The following ITCH variants were observed in gnomAD, a reference collection of about 807,000 sequenced individuals.
The protein encoded by ITCH is E3 ubiquitin-protein ligase Itchy homolog.
Under a neutral mutation model 126.8 loss-of-function variants are expected in ITCH, and 28 were observed. The observed-to-expected ratio is 0.22, with a 90% CI of 0.16 to 0.30. ITCH has a LOEUF of 0.30. ITCH is among the 10% of genes least tolerant of loss of function. The pLI is 1.00. For synonymous variants in ITCH, 342 were observed against 340.0 expected, an observed-to-expected ratio of 1.01 and a Z score of -0.06; for missense variants, 631 against 1,032.4, an observed-to-expected ratio of 0.61 and a Z score of 5.33.
intron 16 of ITCH, among the ~76,000 whole-genome samples, chr20:34,474,545 A>C (rs1987952123): frequency 6.6e-6 from 1 of 152,218 alleles, no homozygotes; most frequent in Non-Finnish European, 1.5e-5. Context: ...CAAAATGAAA[A>C]GTCTCCCATG....
At position 34,507,724 on chromosome 20, in the gene ITCH, A is replaced by G; in HGVS notation, c.2519A>G (p.Lys840Arg). ...CFNRLDLPPY[K>R]SYEQLKEKLL... is the part of the protein sequence containing the mutation. Reference sequence around the variant, plus strand: ...AATCGCCTGGACCTGCCACCATACAAGAGCTATGAGCAACTGAAGGAAAAG... The same window carrying G: ...AATCGCCTGGACCTGCCACCATACAGGAGCTATGAGCAACTGAAGGAAAAG... The change falls in exon 25 of 25, where the codon AAG (lysine) becomes AGG (arginine). Residue 840 changes from lysine (K) to arginine (R), a missense_variant. Around this residue, in one of 4 missense-constraint regions of ITCH, gnomAD observed 390 missense variants for 731.6 expected, o/e 0.53. Coordinates refer to ENST00000374864, the MANE Select transcript of ITCH (RefSeq NM_031483.7). The G allele has an allele frequency of 3.7e-6, 6 of 1,613,930 alleles. No individual in the cohort carries two copies. Among genetic ancestry groups the G allele is most frequent in the Non-Finnish European group, 5.1e-6 (6 of 1,179,874 alleles).
At chr20:34,428,677 C>T (rs927501895) in intron 7 of ITCH, among the ~76,000 whole-genome samples, 3 of 152,006 alleles carry the variant, frequency 2.0e-5, no homozygotes, top group Non-Finnish European at 4.4e-5. Flanking sequence ...CTCGGCCTCC[C>T]GAAGTGTTGG....
chr20:34,419,216 T>C (rs1980403745), intron 6 of ITCH, among the ~76,000 whole-genome samples: 1 of 152,224 alleles, frequency 6.6e-6, no homozygotes, highest in African/African-American at 2.4e-5. Context: ...CCCGTTGTTA[T>C]ATATTCTCAT....
At chr20:34,470,009 G>A in intron 14 of ITCH, 39 bp from the exon 15 acceptor site, 2 of 1,507,740 alleles carry the variant, frequency 1.3e-6, no homozygotes, top group Non-Finnish European at 1.8e-6. Context: ...TCTTTTACAA[G>A]CAGCTATATA....
At chr20:34,431,945 G>C (rs1050322049) in intron 7 of ITCH, among the ~76,000 whole-genome samples, 5 of 151,732 alleles carry the variant, frequency 3.3e-5, no homozygotes, top group Admixed American at 3.3e-4. Context: ...TCAGGAGGCT[G>C]AGGCAGGAGA....
rs1989389593 is a variant in ITCH, at chr20:34,489,854, G to A, written c.2247G>A (p.Leu749=). ...TATGTGGAATGCAAGAGATTGATTT[G>A]AATGACTGGCAAAGACATGCCATCT... ...VLLCGMQEID[L]NDWQRHAIYR... The change falls in exon 22 of 25, where the codon TTG becomes TTA. Residue 749 remains leucine, a synonymous_variant. Coordinates refer to ENST00000374864, the MANE Select transcript of ITCH (RefSeq NM_031483.7). 1 of 1,613,814 alleles carries A rather than the reference G, an allele frequency of 6.2e-7. No individual in the cohort carries two copies. Among genetic ancestry groups the A allele is most frequent in the Non-Finnish European group, 8.5e-7 (1 of 1,179,804 alleles).
At position 34,492,515 on chromosome 20, in the gene ITCH, T is replaced by A; in HGVS notation, c.2334T>A (p.Ile778=). The change falls in exon 23 of 25, where the codon ATT becomes ATA. Residue 778 remains isoleucine, a synonymous_variant. Coordinates refer to ENST00000374864, the MANE Select transcript of ITCH (RefSeq NM_031483.7). Reference sequence around the variant, plus strand: ...ACTTTTAACAGTTTGTTAAAGAAATTGATAATGAGAAGAGAATGAGACTTC... The same window carrying A: ...ACTTTTAACAGTTTGTTAAAGAAATAGATAATGAGAAGAGAATGAGACTTC... ...IMWFWQFVKE[I]DNEKRMRLLQ... is the part of the protein sequence containing the mutation. 1 of 1,603,970 alleles carries A rather than the reference T, an allele frequency of 6.2e-7. No individual in the cohort carries two copies. Among genetic ancestry groups the A allele is most frequent in the Non-Finnish European group, 8.5e-7 (1 of 1,170,726 alleles).
chr20:34,490,473 G>A (rs1989431903), intron 22 of ITCH, among the ~76,000 whole-genome samples: 2 of 151,974 alleles, frequency 1.3e-5, no homozygotes, highest in African/African-American at 4.8e-5. Flanking sequence ...GATCAAGACC[G>A]TCCTGGCTAA....
intron 23 of ITCH, among the ~76,000 whole-genome samples, chr20:34,494,559 TATACAATATATAA>T (rs1262556970): frequency 1.8e-4 from 28 of 152,348 alleles, no homozygotes; most frequent in African/African-American, 6.5e-4. Context: ...TTGATACATG[TATACAATATATAA>T]TGATCAAATT....
chr20:34,367,531 C>T (rs1231872775), intron 1 of ITCH, among the ~76,000 whole-genome samples: 1 of 152,114 alleles, frequency 6.6e-6, no homozygotes, highest in Non-Finnish European at 1.5e-5. Flanking sequence ...GTTTATTGGC[C>T]AGCTCTAATT....
chr20:34,458,337 A>G (rs1423366310), intron 13 of ITCH, among the ~76,000 whole-genome samples: 1 of 152,182 alleles, frequency 6.6e-6, no homozygotes, highest in African/African-American at 2.4e-5. Context: ...TAATAAAGAG[A>G]TATATGTACA....
intron 3 of ITCH, among the ~76,000 whole-genome samples, chr20:34,406,900 A>G (rs1189473664): frequency 6.6e-6 from 1 of 152,158 alleles, no homozygotes; most frequent in Non-Finnish European, 1.5e-5. Context: ...CTTAACTTTG[A>G]TGAGCATTAG....
chr20:34,489,751 T>TA, intron 21 of ITCH, 71 bp from the exon 22 acceptor site: 2 of 981,612 alleles, frequency 2.0e-6, no homozygotes, highest in South Asian at 2.6e-5. Flanking sequence ...TGCTTAATCT[T>TA]AGTCTTTCCT....
At chr20:34,467,662 A>G (rs991340053) in intron 14 of ITCH, among the ~76,000 whole-genome samples, 7 of 151,122 alleles carry the variant, frequency 4.6e-5, no homozygotes, top group African/African-American at 1.7e-4. Context: ...CAAGTGATGG[A>G]AATGTTTTCT....
chr20:34,430,658 G>A (rs765722189), intron 7 of ITCH, among the ~76,000 whole-genome samples: 8 of 152,234 alleles, frequency 5.3e-5, no homozygotes, highest in Middle Eastern at 3.4e-3. Flanking sequence ...ATTTTTAGTA[G>A]AGATGGGGTT....
chr20:34,422,462 GATTTC>G (rs1319253164), intron 6 of ITCH, among the ~76,000 whole-genome samples: 1 of 152,072 alleles, frequency 6.6e-6, no homozygotes, highest in Non-Finnish European at 1.5e-5. Context: ...GTGGTTTTCT[GATTTC>G]ATTTATGTCC....
At chr20:34,471,305 A>G in intron 15 of ITCH, 139 bp from the exon 16 acceptor site, 2 of 671,112 alleles carry the variant, frequency 3.0e-6, no homozygotes, top group South Asian at 3.3e-5. Context: ...ATTGGTAAAC[A>G]TTATTGAATA....
At chr20:34,400,834 T>C (rs1042865549) in intron 3 of ITCH, among the ~76,000 whole-genome samples, 1 of 151,916 alleles carries the variant, frequency 6.6e-6, no homozygotes, top group Non-Finnish European at 1.5e-5. Context: ...CTTGGCTCAC[T>C]GCAACCTCCG....
intron 6 of ITCH, among the ~76,000 whole-genome samples, chr20:34,417,619 C>T (rs995737335): frequency 2.1e-5 from 3 of 144,476 alleles, no homozygotes; most frequent in East Asian, 2.1e-4. Context: ...AGGGTGGTGT[C>T]GAACTCCGGA....
Sources: allele counts gnomAD v4.1 joint callset (sites outside exome capture counted in the v4.1 genomes callset), GRCh38; gene constraint gnomAD v4.1.1; regional missense constraint gnomAD v4.1.1; transcripts MANE v1.5; gene names NCBI Gene and HGNC (gene_info 2026-07-23, HGNC 2026-07-21).